KHDRBS2: variants seen among roughly 807,000 people sequenced by gnomAD.
KHDRBS2 encodes the protein KH domain-containing, RNA-binding, signal transduction-associated protein 2.
In KHDRBS2, 26 loss-of-function variants were observed where a neutral mutation model predicts 44.3. The observed-to-expected ratio is 0.59, with a 90% CI of 0.43 to 0.81. The LOEUF (loss-of-function observed/expected upper bound fraction) is 0.81. Ranked by LOEUF, KHDRBS2 falls within the 40% of genes least tolerant of loss-of-function variation. The pLI is 0.00. For synonymous variants in KHDRBS2, 194 were observed against 151.1 expected, an observed-to-expected ratio of 1.28 and a Z score of -2.08; for missense variants, 476 against 433.1, an observed-to-expected ratio of 1.10 and a Z score of -0.88.
intron 2 of KHDRBS2, among the ~76,000 whole-genome samples, chr6:62,160,934 C>A (rs1157742745): frequency 2.0e-5 from 3 of 152,034 alleles, no homozygotes; most frequent in African/African-American, 7.2e-5. Flanking sequence ...CTCTTTTTAT[C>A]CTTGAAACTG....
chr6:61,674,420 G>T, the KHDRBS2 span, among the ~76,000 whole-genome samples: 1 of 151,540 alleles, frequency 6.6e-6, no homozygotes, highest in African/African-American at 2.4e-5. Context: ...TTAAATTTTG[G>T]CTTTGCTATA....
At chr6:62,039,996 C>T (rs2127298757) in intron 3 of KHDRBS2, among the ~76,000 whole-genome samples, 1 of 152,200 alleles carries the variant, frequency 6.6e-6, no homozygotes, top group South Asian at 2.1e-4. Context: ...AGCTTTATGA[C>T]TAACCTAATG....
chr6:61,948,082 A>T (rs1583672078), intron 4 of KHDRBS2, among the ~76,000 whole-genome samples: 2 of 152,152 alleles, frequency 1.3e-5, no homozygotes, highest in African/African-American at 4.8e-5. Flanking sequence ...ATGAGAAAGC[A>T]AAGCCTGTGA....
At chr6:61,616,347 A>G in the KHDRBS2 span, among the ~76,000 whole-genome samples, 2 of 152,000 alleles carry the variant, frequency 1.3e-5, no homozygotes, top group African/African-American at 2.4e-5. Context: ...CAATGACTAT[A>G]TGTGTGGAGT....
Position 61,680,877 on chromosome 6 carries a change from G to C in KHDRBS2, c.*86C>G, listed in dbSNP as rs992813336. The stretch of plus-strand genomic sequence containing the variant: ...GAATAGAAACAAACAAACAAAAAAA[G>C]GACTATTACTTGTCTTGTTGCTGTT... On this transcript the variant is annotated 3_prime_UTR_variant, in exon 9 of 9. Transcript: ENST00000281156. The C allele has an allele frequency of 3.3e-5, 25 of 759,066 alleles. No homozygotes were observed. The highest frequency in any genetic ancestry group is 5.0e-5 in the Admixed American group (2 of 39,780). The allele number at this position is 759,066 out of a possible 1,614,324, so 47.0% of individuals were successfully genotyped here.
chr6:62,043,880 C>T (rs930855508), intron 3 of KHDRBS2, among the ~76,000 whole-genome samples: 9 of 151,884 alleles, frequency 5.9e-5, no homozygotes, highest in African/African-American at 1.9e-4. Context: ...AAAAACAAAA[C>T]GAAATGAGTT....
chr6:61,657,708 A>T, the KHDRBS2 span, among the ~76,000 whole-genome samples: 1 of 151,942 alleles, frequency 6.6e-6, no homozygotes, highest in Admixed American at 6.6e-5. Context: ...ATCTGAGAAG[A>T]GTGGTTTACC....
At chr6:61,774,306 C>T (rs1044639289) in intron 6 of KHDRBS2, among the ~76,000 whole-genome samples, 63 of 152,246 alleles carry the variant, frequency 4.1e-4, no homozygotes, top group African/African-American at 1.0e-3. Flanking sequence ...TGTTTGTATC[C>T]TCTTTTATTT....
chr6:62,085,929 T>A (rs1299367257), intron 2 of KHDRBS2, among the ~76,000 whole-genome samples: 1 of 152,104 alleles, frequency 6.6e-6, no homozygotes, highest in East Asian at 1.9e-4. Flanking sequence ...CTTTGGGAAT[T>A]AGCAAAATAT....
At chr6:61,999,976 T>C (rs565551754) in intron 3 of KHDRBS2, among the ~76,000 whole-genome samples, 3 of 152,302 alleles carry the variant, frequency 2.0e-5, no homozygotes, top group South Asian at 4.1e-4. Context: ...CAAAAACTAT[T>C]ATACTGTATT....
intron 8 of KHDRBS2, among the ~76,000 whole-genome samples, chr6:61,686,051 G>C (rs1582154724): frequency 6.6e-6 from 1 of 151,682 alleles, no homozygotes; most frequent in South Asian, 2.1e-4. Context: ...TTAGAGATCA[G>C]TTCAGAAAGG....
intron 2 of KHDRBS2, among the ~76,000 whole-genome samples, chr6:62,081,899 T>C (rs1208686803): frequency 3.9e-5 from 6 of 152,090 alleles, no homozygotes; most frequent in African/African-American, 1.2e-4. Flanking sequence ...CTTCTTCCTG[T>C]AGCCTCTGAA....
At chr6:61,970,480 A>G (rs1251187016) in intron 4 of KHDRBS2, among the ~76,000 whole-genome samples, 1 of 152,112 alleles carries the variant, frequency 6.6e-6, no homozygotes, top group Non-Finnish European at 1.5e-5. Flanking sequence ...CGACCAAGTT[A>G]AGTACACAGA....
intron 4 of KHDRBS2, among the ~76,000 whole-genome samples, chr6:61,952,322 G>C (rs1195117034): frequency 6.6e-6 from 1 of 152,000 alleles, no homozygotes; most frequent in African/African-American, 2.4e-5. Flanking sequence ...AATGGCTTTA[G>C]TGTCAATGCA....
the KHDRBS2 span, among the ~76,000 whole-genome samples, chr6:61,573,103 T>A: frequency 6.6e-6 from 1 of 152,134 alleles, no homozygotes; most frequent in African/African-American, 2.4e-5. Flanking sequence ...CTAGATCTGA[T>A]AAATAAATTC....
the KHDRBS2 span, among the ~76,000 whole-genome samples, chr6:61,617,228 T>G: frequency 2.0e-5 from 3 of 152,190 alleles, no homozygotes; most frequent in Admixed American, 1.3e-4. Context: ...CATTTTAAAC[T>G]GTTCTGTCGC....
chr6:61,725,052 T>C (rs1288269055), intron 7 of KHDRBS2, among the ~76,000 whole-genome samples: 1 of 152,096 alleles, frequency 6.6e-6, no homozygotes, highest in Non-Finnish European at 1.5e-5. Context: ...ATTGAGCACA[T>C]AATCAAGTAA....
intron 2 of KHDRBS2, among the ~76,000 whole-genome samples, chr6:62,115,065 G>A (rs208997): frequency 0.17 from 26,393 of 152,040 alleles, 2,663 homozygotes; most frequent in African/African-American, 0.28. Flanking sequence ...CGTTTTAGGA[G>A]TGACTAAGTT....
chr6:61,996,417 T>A (rs904086870), intron 3 of KHDRBS2, among the ~76,000 whole-genome samples: 2 of 152,228 alleles, frequency 1.3e-5, no homozygotes, highest in African/African-American at 4.8e-5. Flanking sequence ...TCCAATTTAG[T>A]TAATATCATT....
Sources: gnomAD v4.1 joint callset for allele counts (sites outside exome capture counted in the v4.1 genomes callset) on GRCh38, gnomAD v4.1.1 for gene constraint, MANE v1.5 for transcripts, NCBI Gene and HGNC (gene_info 2026-07-23, HGNC 2026-07-21) for gene names.